Variants in DGKH observed in about 807,000 individuals in gnomAD.
The protein encoded by DGKH is DAG kinase eta.
DGKH carries 90 observed loss-of-function variants against 159.3 expected under a neutral mutation model. The observed-to-expected ratio is 0.57, with a 90% CI of 0.48 to 0.67. The LOEUF is 0.67. Among genes scored for constraint, DGKH ranks in the 30% least tolerant of loss-of-function variants. DGKH has a pLI of 0.00. For missense variants in DGKH, 1,181 were observed against 1,506.1 expected, an observed-to-expected ratio of 0.78 and a Z score of 3.57; for synonymous variants, 536 against 553.8, an observed-to-expected ratio of 0.97 and a Z score of 0.45.
intron 13 of DGKH, among the ~76,000 whole-genome samples, chr13:42,178,481 A>G (rs1185002054): frequency 6.6e-6 from 1 of 152,216 alleles, no homozygotes; most frequent in Non-Finnish European, 1.5e-5. Flanking sequence ...TTTAGAGTTT[A>G]ATTAACCTAA....
At chr13:42,064,199 C>A (rs1882395468) in intron 1 of DGKH, among the ~76,000 whole-genome samples, 1 of 151,854 alleles carries the variant, frequency 6.6e-6, no homozygotes, top group South Asian at 2.1e-4. Context: ...TTTGATTTTC[C>A]CAGTGGAATA....
chr13:42,210,852 A>G (rs1405537907), intron 24 of DGKH, 87 bp downstream of exon 24: 1 of 1,227,124 alleles, frequency 8.1e-7, no homozygotes. Context: ...TTGTTTCAGT[A>G]GTGGTATCAA....
chr13:42,184,431 A>T (rs921962941), intron 13 of DGKH, among the ~76,000 whole-genome samples: 1 of 152,194 alleles, frequency 6.6e-6, no homozygotes, highest in East Asian at 1.9e-4. Context: ...TATAGTAGAG[A>T]TGATAGTGGA....
intron 1 of DGKH, among the ~76,000 whole-genome samples, chr13:42,077,918 G>C (rs917813134): frequency 6.6e-6 from 1 of 152,128 alleles, no homozygotes; most frequent in Non-Finnish European, 1.5e-5. Flanking sequence ...TTTCTCTACA[G>C]TTAAAATGAT....
chr13:42,177,856 G>A (rs1223911833), intron 12 of DGKH, among the ~76,000 whole-genome samples: 1 of 151,936 alleles, frequency 6.6e-6, no homozygotes, highest in Non-Finnish European at 1.5e-5. Context: ...GTACTACTTT[G>A]TAGGAATTAT....
rs1566202537 is a variant in DGKH, at chr13:42,215,562, T to C, written c.3121-13T>C. On this transcript the variant is annotated splice_polypyrimidine_tract_variant and intron_variant, in intron 25 of 29. Coordinates refer to ENST00000337343, the MANE Select transcript of DGKH (RefSeq NM_178009.5). ...AATACAGATCACATGTCTTTGATAT[T>C]CTTCTTTTCTAGAGTCTTACAAGAG... 1 of 1,588,788 alleles carries C rather than the reference T, an allele frequency of 6.3e-7. No homozygotes were observed.
At chr13:42,132,733 T>C (rs1324304724) in intron 3 of DGKH, among the ~76,000 whole-genome samples, 1 of 152,076 alleles carries the variant, frequency 6.6e-6, no homozygotes, top group East Asian at 1.9e-4. Flanking sequence ...TTCCCATCTC[T>C]ACAACAAATA....
rs907301833 is a variant in DGKH, at chr13:42,122,757, G to A, written c.193-4706G>A. On this transcript the variant is annotated intron_variant, in intron 1 of 29. Transcript: ENST00000337343. ...AAGCTTTTTAGATTAGACTGTTAGC[G>A]TATCTTGTCATTGCATATGATGTGT... Among the ~76,000 whole-genome samples, 7 of 152,226 alleles carry A rather than the reference G, an allele frequency of 4.6e-5. No individual in the cohort carries two copies. In the East Asian group the frequency reaches 9.6e-4, roughly 21 times the overall value.
chr13:42,087,679 T>C (rs1954333918), intron 1 of DGKH, among the ~76,000 whole-genome samples: 1 of 150,840 alleles, frequency 6.6e-6, no homozygotes, highest in African/African-American at 2.4e-5. Context: ...TAAAGAAAAG[T>C]CAATTTGAAG....
rs753844902 is a variant in DGKH at position 42,208,969 on chromosome 13, C to T, written c.2612C>T (p.Ala871Val). 1 of 1,610,654 alleles carries T rather than the reference C, an allele frequency of 6.2e-7. No individual in the cohort carries two copies. The highest frequency in any genetic ancestry group is 8.5e-7 in the Non-Finnish European group (1 of 1,178,366). Residue 871 changes from alanine to valine, a missense_variant, in exon 22 of 30, where the codon GCA (alanine) becomes GTA (valine). Physicochemically the swap from Ala to Val is moderately conservative, Grantham distance 64. Coordinates refer to ENST00000337343, the MANE Select transcript of DGKH (RefSeq NM_178009.5). ...TAGTTTTTCTTTCAGATATTTGCTG[C>T]ACCATCCTTTGATGACAAGATCCTG... ...GGTKEDDIFAAPSFDDKILEV... is the reference protein window; with the variant it reads ...GGTKEDDIFAVPSFDDKILEV...
downstream of DGKH, among the ~76,000 whole-genome samples, chr13:42,243,669 G>A (rs988108554): frequency 1.3e-4 from 20 of 152,116 alleles, no homozygotes; most frequent in African/African-American, 4.6e-4. Flanking sequence ...ACATTAAGTC[G>A]AATCTTACAT....
downstream of DGKH, among the ~76,000 whole-genome samples, chr13:42,246,992 G>T (rs1958585509): frequency 1.3e-5 from 2 of 151,992 alleles, no homozygotes; most frequent in African/African-American, 4.8e-5. Flanking sequence ...GATATCCGTG[G>T]TCCCACAAGA....
intron 1 of DGKH, among the ~76,000 whole-genome samples, chr13:42,075,966 C>A (rs189363112): frequency 7.7e-4 from 118 of 152,284 alleles, no homozygotes; most frequent in Admixed American, 1.2e-3. Flanking sequence ...AAGTATCATA[C>A]AATAATAGCC....
chr13:42,146,449 C>T (rs950667315), intron 3 of DGKH, among the ~76,000 whole-genome samples: 1 of 152,042 alleles, frequency 6.6e-6, no homozygotes, highest in Non-Finnish European at 1.5e-5. Context: ...TTTATGTGTA[C>T]AAAGACATGT....
intron 3 of DGKH, among the ~76,000 whole-genome samples, chr13:42,154,807 G>A (rs751692539): frequency 9.9e-5 from 15 of 152,084 alleles, no homozygotes; most frequent in Non-Finnish European, 1.8e-4. Context: ...TTGGGAGGCC[G>A]AGGGGGGCGG....
chr13:42,205,926 C>T (rs747229388), intron 20 of DGKH, 113 bp from the exon 21 acceptor site: 14 of 508,698 alleles, frequency 2.8e-5, no homozygotes, highest in East Asian at 3.4e-5. Context: ...GCAGACATTA[C>T]GAACACACTG....
At chr13:42,179,843 A>G (rs1315705218) in intron 13 of DGKH, among the ~76,000 whole-genome samples, 34 of 152,082 alleles carry the variant, frequency 2.2e-4, no homozygotes, top group Admixed American at 2.1e-3. Flanking sequence ...GTTGTACTAC[A>G]AAGGTGTTAA....
downstream of DGKH, among the ~76,000 whole-genome samples, chr13:42,246,627 A>C (rs1958582418): frequency 6.6e-6 from 1 of 152,150 alleles, no homozygotes. Context: ...GCATTGGAGC[A>C]CTACCCTTTC....
At chr13:42,052,614 T>C (rs571195938) in intron 1 of DGKH, among the ~76,000 whole-genome samples, 13 of 152,352 alleles carry the variant, frequency 8.5e-5, no homozygotes, top group African/African-American at 3.1e-4. Flanking sequence ...TTCACAGGTA[T>C]TTACTGAGAA....
Sources: gnomAD v4.1 joint callset for allele counts (sites outside exome capture counted in the v4.1 genomes callset) on GRCh38, gnomAD v4.1.1 for gene constraint, MANE v1.5 for transcripts, NCBI Gene and HGNC (gene_info 2026-07-23, HGNC 2026-07-21) for gene names.